The following IFT57 variants were observed in gnomAD, a reference collection of about 807,000 sequenced individuals.
IFT57 encodes intraflagellar transport 57, also known as intraflagellar transport protein 57 homolog.
A neutral mutation model predicts 56.8 loss-of-function variants in IFT57; 59 were observed. That is an observed-to-expected ratio of 1.04 (90% CI 0.84 to 1.29). The LOEUF is 1.29. Among genes scored for constraint, IFT57 ranks in the 50% most tolerant of loss-of-function variants. The probability of loss-of-function intolerance (pLI) is 0.00; values close to 1 mark genes in which losing one functional copy is unlikely to be tolerated. For missense variants in IFT57, 470 were observed against 522.1 expected, an observed-to-expected ratio of 0.90 and a Z score of 0.97; for synonymous variants, 209 against 186.1, an observed-to-expected ratio of 1.12 and a Z score of -1.00.
intron 4 of IFT57, among the ~76,000 whole-genome samples, chr3:108,207,483 C>T (rs2080319852): frequency 6.6e-6 from 1 of 152,050 alleles, no homozygotes; most frequent in Non-Finnish European, 1.5e-5. Context: ...ATATTTCAAC[C>T]TTAAGGACAC....
chr3:108,168,846 G>A (rs769616615), intron 6 of IFT57, among the ~76,000 whole-genome samples: 1 of 151,888 alleles, frequency 6.6e-6, no homozygotes, highest in Non-Finnish European at 1.5e-5. Flanking sequence ...ATGGCTGCAT[G>A]GTATTCCACA....
chr3:108,204,221 TA>T (rs1156887637), intron 5 of IFT57, among the ~76,000 whole-genome samples: 1 of 152,180 alleles, frequency 6.6e-6, no homozygotes, highest in African/African-American at 2.4e-5. Context: ...TCTGCCTCAT[TA>T]GTACTCCATG....
rs763899994 is a variant in IFT57, at chr3:108,213,911, A to G, written c.585+20T>C. On this transcript the variant is annotated intron_variant, in intron 4 of 10. Coordinates refer to ENST00000264538, the MANE Select transcript of IFT57 (RefSeq NM_018010.4). Reference sequence around the variant, plus strand: ...TGGCCGAAAGGTGAAAATGAACAGAAAGTTCAGCTACACACATACCACAAA... The same window carrying G: ...TGGCCGAAAGGTGAAAATGAACAGAGAGTTCAGCTACACACATACCACAAA... 1 of 1,465,696 alleles carries G rather than the reference A, an allele frequency of 6.8e-7. No homozygotes were observed. 90.8% of individuals were successfully genotyped at this position (1,465,696 alleles called of 1,614,324 possible). A position where few individuals can be genotyped will look rare whatever the true frequency, so the allele number is the denominator to read the frequency against.
intron 6 of IFT57, among the ~76,000 whole-genome samples, chr3:108,181,599 T>C (rs896114658): frequency 7.2e-5 from 11 of 152,112 alleles, no homozygotes; most frequent in African/African-American, 2.7e-4. Context: ...GGCAGTTTAT[T>C]TTAATAGCAT....
intron 6 of IFT57, among the ~76,000 whole-genome samples, chr3:108,173,728 G>A (rs144166960): frequency 5.3e-4 from 79 of 149,934 alleles, no homozygotes; most frequent in African/African-American, 1.8e-3. Flanking sequence ...CTGTAAAGTC[G>A]AAAAATTGTT....
intron 6 of IFT57, among the ~76,000 whole-genome samples, chr3:108,183,719 G>A (rs540221578): frequency 8.5e-5 from 13 of 152,180 alleles, no homozygotes; most frequent in African/African-American, 2.2e-4. Context: ...TCTCACTTGC[G>A]TGGTCTCCAT....
chr3:108,215,907 G>A (rs1021131076), intron 3 of IFT57, among the ~76,000 whole-genome samples: 6 of 151,978 alleles, frequency 3.9e-5, no homozygotes, highest in African/African-American at 1.5e-4. Flanking sequence ...AAAATAAATA[G>A]TACTGGGGAA....
intron 6 of IFT57, among the ~76,000 whole-genome samples, chr3:108,168,073 G>A (rs1009428863): frequency 1.1e-4 from 16 of 151,858 alleles, no homozygotes; most frequent in African/African-American, 2.7e-4. Flanking sequence ...ATTATTTCAC[G>A]TGTTCACAGA....
intron 8 of IFT57, 92 bp from the exon 9 acceptor site, chr3:108,165,585 C>T (rs1055834696): frequency 7.8e-6 from 7 of 895,728 alleles, no homozygotes; most frequent in Non-Finnish European, 1.3e-5. Flanking sequence ...TTCTGCAGGT[C>T]ATTTTATGAC....
At chr3:108,199,554 C>T (rs948714163) in intron 5 of IFT57, among the ~76,000 whole-genome samples, 7 of 152,142 alleles carry the variant, frequency 4.6e-5, no homozygotes, top group African/African-American at 1.7e-4. Context: ...TTGTGAAAGA[C>T]CTTCAAATCT....
chr3:108,204,175 T>C (rs1336178568), intron 5 of IFT57, among the ~76,000 whole-genome samples: 1 of 152,216 alleles, frequency 6.6e-6, no homozygotes, highest in Non-Finnish European at 1.5e-5. Context: ...GGCAATATCA[T>C]GAGCTTGCCA....
At chr3:108,200,393 G>C (rs2080271098) in intron 5 of IFT57, among the ~76,000 whole-genome samples, 1 of 152,098 alleles carries the variant, frequency 6.6e-6, no homozygotes, top group Non-Finnish European at 1.5e-5. Flanking sequence ...GAGATGGCCT[G>C]GGTAAAGATG....
At chr3:108,185,780 G>C (rs564256617) in intron 6 of IFT57, among the ~76,000 whole-genome samples, 1 of 152,160 alleles carries the variant, frequency 6.6e-6, no homozygotes, top group African/African-American at 2.4e-5. Context: ...GCTAACCCCT[G>C]AGCCTTGACA....
chr3:108,209,556 A>T (rs1405581029), intron 4 of IFT57, among the ~76,000 whole-genome samples: 1 of 152,164 alleles, frequency 6.6e-6, no homozygotes, highest in Non-Finnish European at 1.5e-5. Flanking sequence ...CATTATTCAG[A>T]GTGTGTCTAT....
At chr3:108,219,344 A>AAT (rs1488312447) in intron 2 of IFT57, 66 bp downstream of exon 2, 25 of 1,348,492 alleles carry the variant, frequency 1.9e-5, no homozygotes, top group Non-Finnish European at 2.6e-5. Flanking sequence ...AGCATTTGTT[A>AAT]TTAAATTACC....
intron 2 of IFT57, among the ~76,000 whole-genome samples, chr3:108,219,081 C>G (rs537177849): frequency 6.6e-6 from 1 of 151,336 alleles, no homozygotes; most frequent in Non-Finnish European, 1.5e-5. Flanking sequence ...AGTACAAGTT[C>G]CCTTTCAGAA....
chr3:108,165,180 A>C (rs78860748), intron 9 of IFT57, among the ~76,000 whole-genome samples: 1 of 152,236 alleles, frequency 6.6e-6, no homozygotes, highest in East Asian at 1.9e-4. Context: ...TGTTGAGGAA[A>C]ATTATAAGTG....
Position 108,206,173 on chromosome 3 carries a change from T to C in IFT57, c.654+455A>G, listed in dbSNP as rs553072313. Among the ~76,000 whole-genome samples, 9 of 144,812 alleles carry C rather than the reference T, an allele frequency of 6.2e-5. No homozygotes were observed. In the South Asian group the frequency reaches 1.9e-3, roughly 31 times the overall value. On this transcript the variant is annotated intron_variant, in intron 5 of 10. Transcript: ENST00000264538. ...TGTATATGTACTTTTATAGATTAGA[T>C]TTATTTCATAATTAAAACAGACTTA... is the stretch of plus-strand genomic sequence containing the variant.
intron 4 of IFT57, among the ~76,000 whole-genome samples, chr3:108,212,806 C>G (rs946438198): frequency 6.6e-6 from 1 of 152,124 alleles, no homozygotes; most frequent in Non-Finnish European, 1.5e-5. Context: ...AACTAATTAT[C>G]TATTGATTTT....
Sources: gnomAD v4.1 joint callset for allele counts (sites outside exome capture counted in the v4.1 genomes callset) on GRCh38, gnomAD v4.1.1 for gene constraint, MANE v1.5 for transcripts, NCBI Gene and HGNC (gene_info 2026-07-23, HGNC 2026-07-21) for gene names.